Variants in DNMT3A observed in about 807,000 individuals in gnomAD.
The protein encoded by DNMT3A is DNA methyltransferase 3 alpha.
In DNMT3A, 267 loss-of-function variants were observed where a neutral mutation model predicts 117.6. That is an observed-to-expected ratio of 2.27 (90% CI 2.05 to 2.51). The LOEUF (loss-of-function observed/expected upper bound fraction) is 2.51. Among genes scored for constraint, DNMT3A ranks in the 30% most tolerant of loss-of-function variants. DNMT3A has a pLI of 0.00. For synonymous variants in DNMT3A, 432 were observed against 474.8 expected, an observed-to-expected ratio of 0.91 and a Z score of 1.17; for missense variants, 1,029 against 1,260.2, an observed-to-expected ratio of 0.82 and a Z score of 2.78.
chr2:25,234,562 T>A lies in DNMT3A; in HGVS notation c.2598-142A>T. The stretch of plus-strand genomic sequence containing the variant: ...AGGGGCACTCACACCCACCAACTCC[T>A]CTGACGCCTGCTTAGTTCTGCCGAA... On this transcript the variant is annotated intron_variant, in intron 22 of 22. Transcript: ENST00000321117. This position sits in a 1 kb window ranked among gnomAD's most constrained non-coding sequence, Gnocchi z 4.5. 1.1e-6 allele frequency: 1 copy of A among 922,388 alleles called. No homozygotes were observed. Among genetic ancestry groups the A allele is most frequent in the Non-Finnish European group, 1.6e-6 (1 of 635,026 alleles). The allele number at this position is 922,388 out of a possible 1,614,324, so 57.1% of individuals were successfully genotyped here. A position where few individuals can be genotyped will look rare whatever the true frequency, so the allele number is the denominator to read the frequency against.
intron 18 of DNMT3A, 94 bp downstream of exon 18, chr2:25,240,546 C>T (rs1014742768): frequency 1.4e-5 from 22 of 1,589,884 alleles, no homozygotes; most frequent in South Asian, 6.9e-5. Flanking sequence ...ACAGGGTCAT[C>T]GGGAATAGCT....
At chr2:25,289,189 A>C (rs1279622030) in intron 3 of DNMT3A, among the ~76,000 whole-genome samples, 1 of 142,496 alleles carries the variant, frequency 7.0e-6, no homozygotes, top group African/African-American at 2.7e-5. Flanking sequence ...TGCAACCTCC[A>C]CCTCCCGGAT....
chr2:25,248,240 C>T lies in DNMT3A; in HGVS notation c.652G>A (p.Ala218Thr). 1 of 1,612,032 alleles carries T rather than the reference C, an allele frequency of 6.2e-7. No homozygotes were observed. The highest frequency in any genetic ancestry group is 8.5e-7 in the Non-Finnish European group (1 of 1,179,518). ...GCATTCATTCCTGCAATGACCTTGG[C>T]TTTCTTCTCAGCCTGGGGAAACAAA... ...ARWKREAEKKAKVIAGMNAVE... is the reference protein window; with the variant it reads ...ARWKREAEKKTKVIAGMNAVE... Residue 218 changes from alanine (A) to threonine (T), a missense_variant, in exon 7 of 23, where the codon GCC becomes ACC. By Grantham distance (58) the Ala-to-Thr change is moderately conservative. Transcript: ENST00000321117.
chr2:25,251,369 A>C (rs1675536846), intron 6 of DNMT3A, among the ~76,000 whole-genome samples: 1 of 146,298 alleles, frequency 6.8e-6, no homozygotes, highest in Admixed American at 6.9e-5. Flanking sequence ...GCTCACCCCC[A>C]GGGGGGCGGA....
chr2:25,302,608 G>A (rs1447432913), intron 2 of DNMT3A, among the ~76,000 whole-genome samples: 2 of 152,346 alleles, frequency 1.3e-5, no homozygotes, highest in Non-Finnish European at 1.5e-5. Context: ...CTTCATGAGG[G>A]CTCAGGGTGC....
chr2:25,240,024 G>A (rs369598497), intron 19 of DNMT3A, among the ~76,000 whole-genome samples: 1 of 152,194 alleles, frequency 6.6e-6, no homozygotes, highest in African/African-American at 2.4e-5. Flanking sequence ...AACCCCAGGA[G>A]TCTGGCACCC....
chr2:25,268,322 G>A (rs1440056056), intron 6 of DNMT3A, among the ~76,000 whole-genome samples: 4 of 152,202 alleles, frequency 2.6e-5, no homozygotes, highest in African/African-American at 9.7e-5. Context: ...TCCGGCTGGG[G>A]TGAAGAGATT....
chr2:25,263,175 A>G (rs750714795), intron 6 of DNMT3A, among the ~76,000 whole-genome samples: 14 of 151,984 alleles, frequency 9.2e-5, no homozygotes, highest in Non-Finnish European at 1.5e-4. Flanking sequence ...GGCTCAAGCA[A>G]TCCTCCCACT....
In DNMT3A at chr2:25,228,711, T is replaced by TTTTAGCACC. The variant is rs1160089868; in HGVS notation, c.*5559_*5567dup. The TTTTAGCACC allele has an allele frequency of 6.6e-6, 1 of 152,210 alleles. No individual in the cohort carries two copies. The highest frequency in any genetic ancestry group is 1.5e-5 in the Non-Finnish European group (1 of 68,032). 9.4% of individuals were successfully genotyped at this position (152,210 alleles called of 1,614,324 possible). A position where few individuals can be genotyped will look rare whatever the true frequency, so the allele number is the denominator to read the frequency against. ...AACAATATATATTTTTAATAAAATG[T>TTTTAGCACC]TTTAGCACCTTGGTGAGTCACCTCC... On this transcript the variant is annotated 3_prime_UTR_variant, in exon 23 of 23. Transcript: ENST00000321117.
chr2:25,311,397 C>T lies in DNMT3A; in HGVS notation c.72+2516G>A, dbSNP rs546338426. On this transcript the variant is annotated intron_variant, in intron 2 of 22. Transcript: ENST00000321117. The surrounding 1 kb of genome is among the most constrained non-coding windows in gnomAD (Gnocchi z 5.2). ...AGTGTCTCTCCCCACCCTCCCTGGG[C>T]GGCTCCCTGGAGGTGCTGGAGCCAG... is the stretch of plus-strand genomic sequence containing the variant. Among the ~76,000 whole-genome samples the T allele has an allele frequency of 2.0e-3, 299 of 152,256 alleles. No individual in the cohort carries two copies. The highest frequency in any genetic ancestry group is 6.9e-3 in the African/African-American group (285 of 41,562).
rs372931913 is a variant in DNMT3A at position 25,233,362 on chromosome 2, G to T, written c.*917C>A. The stretch of plus-strand genomic sequence containing the variant: ...CTCCATCCTTGGTGAAACCCTTTGC[G>T]CAGAAGGCAACGTGGAAGCTGATGT... On this transcript the variant is annotated 3_prime_UTR_variant, in exon 23 of 23. Transcript: ENST00000321117. The T allele has an allele frequency of 4.3e-6, 1 of 233,514 alleles. No individual in the cohort carries two copies. The highest frequency in any genetic ancestry group is 6.0e-5 in the East Asian group (1 of 16,724). 14.5% of individuals were successfully genotyped at this position (233,514 alleles called of 1,614,324 possible). A position where few individuals can be genotyped will look rare whatever the true frequency, so the allele number is the denominator to read the frequency against.
upstream of DNMT3A, chr2:25,341,969 C>T: frequency 4.1e-6 from 4 of 973,274 alleles, no homozygotes; most frequent in Non-Finnish European, 4.9e-6. Context: ...CGCTCGCTCG[C>T]TCCCTCCCTC....
At chr2:25,292,112 C>T (rs1337558790) in intron 3 of DNMT3A, among the ~76,000 whole-genome samples, 1 of 152,024 alleles carries the variant, frequency 6.6e-6, no homozygotes, top group Non-Finnish European at 1.5e-5. Context: ...AAAAAAATGG[C>T]CTTTGAGCCC....
At chr2:25,244,402 T>C in intron 14 of DNMT3A, 64 bp from the exon 15 acceptor site, 1 of 1,566,802 alleles carries the variant, frequency 6.4e-7, no homozygotes, top group East Asian at 2.3e-5. Context: ...CAAGGTGTGC[T>C]ACCTGGAATG....
rs1024109101 is a variant in DNMT3A at position 25,254,204 on chromosome 2, T to C, written c.640-5952A>G. The stretch of plus-strand genomic sequence containing the variant: ...TGATGACATCAGCCCTCTTTGGCCA[T>C]GGAACGCCACCATCTCCTAATGACA... On this transcript the variant is annotated intron_variant, in intron 6 of 22. Transcript: ENST00000321117. The surrounding 1 kb of genome is among the most constrained non-coding windows in gnomAD (Gnocchi z 4.7). 6.6e-6 allele frequency among the ~76,000 whole-genome samples: 1 copy of C among 152,068 alleles called. No individual in the cohort carries two copies. The highest frequency in any genetic ancestry group is 1.5e-5 in the Non-Finnish European group (1 of 68,016).
At chr2:25,255,688 A>C (rs1348226444) in intron 6 of DNMT3A, among the ~76,000 whole-genome samples, 2 of 152,238 alleles carry the variant, frequency 1.3e-5, no homozygotes. Context: ...CTCTGATACC[A>C]GTAAGTTGCC....
At chr2:25,285,048 G>C (rs2032196677) in intron 3 of DNMT3A, among the ~76,000 whole-genome samples, 1 of 152,188 alleles carries the variant, frequency 6.6e-6, no homozygotes, top group Non-Finnish European at 1.5e-5. Flanking sequence ...TTTCACTGCA[G>C]TGAACACCCT....
At position 25,232,888 on chromosome 2, in the gene DNMT3A, G is replaced by GC. The variant is rs1672943778; in HGVS notation, c.*1390dup. ...TGACCAAAAACATCACATTCCAGGGGCCGGGAGCCGCCTTGTGCACAGAGG... is the reference window on the plus strand; with the variant it reads ...TGACCAAAAACATCACATTCCAGGGGCCCGGGAGCCGCCTTGTGCACAGAGG... On this transcript the variant is annotated 3_prime_UTR_variant, in exon 23 of 23. Coordinates refer to ENST00000321117, the MANE Select transcript of DNMT3A (RefSeq NM_022552.5). This position sits in a 1 kb window ranked among gnomAD's most constrained non-coding sequence, Gnocchi z 4.1. 4.4e-6 allele frequency: 1 copy of GC among 228,902 alleles called. No homozygotes were observed. The highest frequency in any genetic ancestry group is 2.2e-5 in the African/African-American group (1 of 45,042). 14.2% of individuals were successfully genotyped at this position (228,902 alleles called of 1,614,324 possible).
intron 6 of DNMT3A, among the ~76,000 whole-genome samples, chr2:25,264,531 G>A (rs939186952): frequency 7.3e-5 from 11 of 151,360 alleles, no homozygotes; most frequent in African/African-American, 1.5e-4. Flanking sequence ...GCAGTGGTGC[G>A]ATCTCGGCTC....
Sources: gnomAD v4.1 joint callset for allele counts (sites outside exome capture counted in the v4.1 genomes callset) on GRCh38, gnomAD v4.1.1 for gene constraint, Gnocchi (gnomAD v3.1) non-coding constraint, MANE v1.5 for transcripts, NCBI Gene and HGNC (gene_info 2026-07-23, HGNC 2026-07-21) for gene names.